NAA16: variants seen among roughly 807,000 people sequenced by gnomAD.
NAA16 encodes the protein N-alpha-acetyltransferase 16, NatA auxiliary subunit, also known as NARG1-like protein.
In NAA16, 97 loss-of-function variants were observed where a neutral mutation model predicts 110.3. That is an observed-to-expected ratio of 0.88 (90% CI 0.75 to 1.04). The LOEUF (loss-of-function observed/expected upper bound fraction) is 1.04, where lower values mean the gene tolerates loss of function less well. Ranked by LOEUF, NAA16 falls within the 50% of genes least tolerant of loss-of-function variation. The probability of loss-of-function intolerance (pLI) is 0.00; values close to 1 mark genes in which losing one functional copy is unlikely to be tolerated. For synonymous variants in NAA16, 372 were observed against 330.6 expected (o/e 1.13, Z -1.36); for missense variants, 1,017 against 1,005.1 (o/e 1.01, Z -0.16).
At chr13:41,358,656 G>A in intron 11 of NAA16, 154 bp from the exon 12 acceptor site, 1 of 1,429,504 alleles carries the variant, frequency 7.0e-7, no homozygotes, top group East Asian at 2.5e-5. Flanking sequence ...AATCATTTGA[G>A]CTCTTAGTAA....
intron 5 of NAA16, among the ~76,000 whole-genome samples, 191 bp downstream of exon 5, chr13:41,323,381 C>T (rs1358777208): frequency 4.6e-5 from 7 of 150,670 alleles, no homozygotes; most frequent in East Asian, 3.9e-4. Context: ...GACGGAGTCT[C>T]GCTCTGTCCC....
chr13:41,313,462 A>G lies in NAA16; in HGVS notation c.54+1880A>G, dbSNP rs377097681. 9.2e-5 allele frequency among the ~76,000 whole-genome samples: 14 copies of G among 152,384 alleles called. No homozygotes were observed. In the East Asian group the frequency reaches 2.7e-3, roughly 29 times the overall value. On this transcript the variant is annotated intron_variant, in intron 1 of 19. Transcript: ENST00000379406. ...AATGATTTTATCATTTCACAATTGC[A>G]ATAAATGTGGGTAAAATTTGGCTAC...
intron 9 of NAA16, among the ~76,000 whole-genome samples, chr13:41,352,272 G>A (rs1593492263): frequency 6.6e-6 from 1 of 152,086 alleles, no homozygotes; most frequent in East Asian, 1.9e-4. Flanking sequence ...AGCCTGGGAG[G>A]TGGAGGTTGC....
chr13:41,367,800 G>A lies in NAA16; in HGVS notation c.1753+148G>A, dbSNP rs144378677. On this transcript the variant is annotated intron_variant, in intron 14 of 19. Transcript: ENST00000379406. ...AACTCATATGCCAAAAAACAAAAATGTTGCAGAGAGAGTTAAAAAAAGTGG... is the reference window on the plus strand; with the variant it reads ...AACTCATATGCCAAAAAACAAAAATATTGCAGAGAGAGTTAAAAAAAGTGG... 190 of 541,850 alleles carry A rather than the reference G, an allele frequency of 3.5e-4. 3 individuals are homozygous for A. In the East Asian group the frequency reaches 4.4e-3, roughly 12 times the overall value. The allele number at this position is 541,850 out of a possible 1,614,324, so 33.6% of individuals were successfully genotyped here.
At chr13:41,340,647 G>A (rs1433212823) in intron 9 of NAA16, among the ~76,000 whole-genome samples, 4 of 43,538 alleles carry the variant, frequency 9.2e-5, no homozygotes, top group Non-Finnish European at 1.3e-4. Context: ...TTTTGAGTGA[G>A]TTTTTTTTTT....
intron 10 of NAA16, among the ~76,000 whole-genome samples, chr13:41,355,953 C>T (rs1306353711): frequency 1.3e-5 from 2 of 152,190 alleles, no homozygotes; most frequent in Admixed American, 6.5e-5. Context: ...AGAATGTTTT[C>T]AGTCATGCAC....
chr13:41,323,258 T>C (rs1733513115), intron 5 of NAA16, 68 bp downstream of exon 5: 2 of 1,477,734 alleles, frequency 1.4e-6, no homozygotes, highest in African/African-American at 2.8e-5. Flanking sequence ...GTCCCTGCTC[T>C]CAAATGTGAA....
chr13:41,329,752 A>C (rs966460160), intron 7 of NAA16, among the ~76,000 whole-genome samples: 1 of 151,982 alleles, frequency 6.6e-6, no homozygotes, highest in South Asian at 2.1e-4. Context: ...AGCAAAGCTC[A>C]TATGTGTGAA....
At chr13:41,356,178 C>T (rs565240396) in intron 10 of NAA16, among the ~76,000 whole-genome samples, 7 of 150,202 alleles carry the variant, frequency 4.7e-5, no homozygotes, top group East Asian at 3.9e-4. Flanking sequence ...TGTGCATACG[C>T]GCGCACACGC....
chr13:41,316,104 A>C (rs1351864004), intron 1 of NAA16, among the ~76,000 whole-genome samples: 1 of 152,042 alleles, frequency 6.6e-6, no homozygotes, highest in Non-Finnish European at 1.5e-5. Flanking sequence ...ATTCTGTGGC[A>C]GTATTGATTG....
At position 41,318,856 on chromosome 13, in the gene NAA16, G is replaced by A; in HGVS notation, c.190G>A (p.Glu64Lys). ...ACTGAACTGTTTAGGAAAAAAAGAA[G>A]AAGCTTATGAGTTTGTTCGTAAAGG... ...LTLNCLGKKE[E>K]AYEFVRKGLR... Residue 64 changes from glutamate (E) to lysine (K), a missense_variant, in exon 3 of 20, where the codon GAA becomes AAA. Coordinates refer to ENST00000379406, the MANE Select transcript of NAA16 (RefSeq NM_024561.5). 5 of 1,604,202 alleles carry A rather than the reference G, an allele frequency of 3.1e-6. No homozygotes were observed. Among genetic ancestry groups the A allele is most frequent in the Non-Finnish European group, 4.3e-6 (5 of 1,175,710 alleles).
At position 41,376,793 on chromosome 13, in the gene NAA16, A is replaced by G. The variant is rs1055191371; in HGVS notation, c.*1191A>G. ...GGGCGGGTGGATAGCTTTTTGTTCTATCTTGTACAGAAAACAGTAATGGAA... is the reference window on the plus strand; with the variant it reads ...GGGCGGGTGGATAGCTTTTTGTTCTGTCTTGTACAGAAAACAGTAATGGAA... On this transcript the variant is annotated 3_prime_UTR_variant, in exon 20 of 20. Transcript: ENST00000379406. The G allele has an allele frequency of 2.6e-5, 4 of 152,158 alleles. No individual in the cohort carries two copies. The highest frequency in any genetic ancestry group is 4.4e-5 in the Non-Finnish European group (3 of 68,004). The allele number at this position is 152,158 out of a possible 1,614,324, so 9.4% of individuals were successfully genotyped here.
At chr13:41,361,929 C>T in intron 12 of NAA16, 102 bp from the exon 13 acceptor site, 1 of 1,256,008 alleles carries the variant, frequency 8.0e-7, no homozygotes, top group Non-Finnish European at 1.1e-6. Context: ...CTAATTGCTG[C>T]TATTGTCATA....
At chr13:41,325,618 C>A in intron 5 of NAA16, 80 bp from the exon 6 acceptor site, 1 of 861,932 alleles carries the variant, frequency 1.2e-6, no homozygotes, top group Non-Finnish European at 1.7e-6. Context: ...AATGACTCTC[C>A]TGAGAAGGCA....
intron 9 of NAA16, among the ~76,000 whole-genome samples, chr13:41,345,145 T>C (rs2042647661): frequency 6.6e-6 from 1 of 152,258 alleles, no homozygotes; most frequent in South Asian, 2.1e-4. Context: ...AATGCTGCTG[T>C]GAACTTTGGT....
At chr13:41,345,671 C>G (rs976347601) in intron 9 of NAA16, among the ~76,000 whole-genome samples, 1 of 152,126 alleles carries the variant, frequency 6.6e-6, no homozygotes, top group Non-Finnish European at 1.5e-5. Context: ...CAACCTTGAC[C>G]TCCTGGGCTC....
intron 9 of NAA16, among the ~76,000 whole-genome samples, chr13:41,351,705 TAG>T (rs2139472770): frequency 6.6e-6 from 1 of 152,352 alleles, no homozygotes; most frequent in Non-Finnish European, 1.5e-5. Flanking sequence ...TGATCTAATG[TAG>T]CTGTTAGAAG....
intron 8 of NAA16, among the ~76,000 whole-genome samples, chr13:41,333,804 A>G (rs1054116582): frequency 6.6e-6 from 1 of 151,766 alleles, no homozygotes; most frequent in Non-Finnish European, 1.5e-5. Context: ...ATGTGGCAGT[A>G]TAGGGTAGGA....
Position 41,311,510 on chromosome 13 carries a change from AG to A in NAA16, c.-18del. 1 of 1,591,390 alleles carries A rather than the reference AG, an allele frequency of 6.3e-7. No individual in the cohort carries two copies. Among genetic ancestry groups the A allele is most frequent in the Non-Finnish European group, 8.5e-7 (1 of 1,169,702 alleles). On this transcript the variant is annotated 5_prime_UTR_variant, in exon 1 of 20. Transcript: ENST00000379406. Reference sequence around the variant, plus strand: ...CACCTAGCCTCCCTGCCGGCCACCTAGCCTCCCTGCCGGCCACGATGCCGAA... The same window carrying A: ...CACCTAGCCTCCCTGCCGGCCACCTACCTCCCTGCCGGCCACGATGCCGAA...
Sources: allele counts gnomAD v4.1 joint callset (sites outside exome capture counted in the v4.1 genomes callset), GRCh38; gene constraint gnomAD v4.1.1; transcripts MANE v1.5; gene names NCBI Gene and HGNC (gene_info 2026-07-23, HGNC 2026-07-21).